Variants in CRACD observed in about 807,000 individuals in gnomAD.
CRACD encodes capping protein inhibiting regulator of actin dynamics, also known as capping protein-inhibiting regulator of actin dynamics.
A neutral mutation model predicts 106.8 loss-of-function variants in CRACD; 56 were observed. The ratio of observed to expected loss-of-function variants is 0.52; its 90% CI spans 0.42 to 0.66. The LOEUF (loss-of-function observed/expected upper bound fraction) is 0.66. CRACD is among the 30% of genes least tolerant of loss of function. The probability of loss-of-function intolerance (pLI) is 0.00; values close to 1 mark genes in which losing one functional copy is unlikely to be tolerated. For synonymous variants in CRACD, 754 were observed against 670.8 expected (o/e 1.12, Z -1.92); for missense variants, 1,730 against 1,623.2 (o/e 1.07, Z -1.13).
chr4:56,101,703 C>T (rs996073268), intron 1 of CRACD, among the ~76,000 whole-genome samples: 3 of 143,900 alleles, frequency 2.1e-5, no homozygotes, highest in Non-Finnish European at 4.5e-5. Flanking sequence ...GTAGAGTTTG[C>T]AGTGAGCTGA....
intron 1 of CRACD, among the ~76,000 whole-genome samples, chr4:56,071,899 G>A (rs1732664884): frequency 6.6e-6 from 1 of 151,724 alleles, no homozygotes; most frequent in South Asian, 2.1e-4. Flanking sequence ...AGGCCGAGGC[G>A]GGCGGATCAT....
intron 1 of CRACD, among the ~76,000 whole-genome samples, chr4:56,117,430 G>A (rs1298113593): frequency 6.6e-6 from 1 of 152,056 alleles, no homozygotes; most frequent in Non-Finnish European, 1.5e-5. Context: ...CCACTTATGA[G>A]GTACTTAGAG....
chr4:56,125,764 CTTTTTTTT>C (rs11289899), intron 1 of CRACD, among the ~76,000 whole-genome samples: 1 of 73,300 alleles, frequency 1.4e-5, no homozygotes, highest in South Asian at 6.3e-4. Context: ...CATTCTTCTT[CTTTTTTTT>C]TTTTTTTTTT....
At chr4:56,053,112 G>T (rs1033808203) in intron 1 of CRACD, among the ~76,000 whole-genome samples, 1 of 152,132 alleles carries the variant, frequency 6.6e-6, no homozygotes, top group Non-Finnish European at 1.5e-5. Flanking sequence ...CTTCCTAAGA[G>T]ACATGAAATA....
intron 2 of CRACD, among the ~76,000 whole-genome samples, chr4:56,254,280 A>G (rs1741213767): frequency 6.6e-6 from 1 of 152,182 alleles, no homozygotes; most frequent in African/African-American, 2.4e-5. Flanking sequence ...TGTCAGTGCA[A>G]CGGAGTAAGT....
intron 7 of CRACD, among the ~76,000 whole-genome samples, 196 bp from the exon 8 acceptor site, chr4:56,313,844 G>A (rs1399902815): frequency 6.6e-6 from 1 of 152,010 alleles, no homozygotes; most frequent in Non-Finnish European, 1.5e-5. Context: ...CAGAATACAC[G>A]TCCTTTTCTC....
chr4:56,298,960 A>G (rs1744208586), intron 4 of CRACD, among the ~76,000 whole-genome samples: 1 of 152,268 alleles, frequency 6.6e-6, no homozygotes, highest in Admixed American at 6.5e-5. Flanking sequence ...ACAAAAAGCT[A>G]TAGGACTTGG....
chr4:56,102,007 G>A (rs1733790224), intron 1 of CRACD, among the ~76,000 whole-genome samples: 2 of 152,050 alleles, frequency 1.3e-5, no homozygotes, highest in African/African-American at 4.8e-5. Flanking sequence ...TATTTAGGCT[G>A]TTTCTAGCTT....
chr4:56,248,332 C>A (rs1740824401), intron 2 of CRACD, among the ~76,000 whole-genome samples: 1 of 152,178 alleles, frequency 6.6e-6, no homozygotes, highest in Non-Finnish European at 1.5e-5. Flanking sequence ...CTGGAAGACT[C>A]TGTGTTTTAA....
intron 5 of CRACD, chr4:56,308,795 T>C (rs978021525): frequency 1.6e-6 from 2 of 1,269,232 alleles, no homozygotes; most frequent in Middle Eastern, 3.1e-4. Context: ...ACCTCTCCAG[T>C]GCTAGGCAGA....
At chr4:56,151,441 C>T (rs1176991187) in intron 1 of CRACD, among the ~76,000 whole-genome samples, 1 of 151,630 alleles carries the variant, frequency 6.6e-6, no homozygotes, top group African/African-American at 2.4e-5. Flanking sequence ...GTTGCAAATA[C>T]AATACAAATA....
intron 1 of CRACD, among the ~76,000 whole-genome samples, chr4:56,152,409 G>A (rs1735613634): frequency 1.3e-5 from 2 of 151,746 alleles, no homozygotes; most frequent in South Asian, 4.2e-4. Context: ...TGAGTCATGA[G>A]GATTACTTGA....
intron 3 of CRACD, among the ~76,000 whole-genome samples, chr4:56,289,710 T>C (rs967041768): frequency 6.7e-6 from 1 of 150,246 alleles, no homozygotes; most frequent in Non-Finnish European, 1.5e-5. Context: ...AAAAACAAAG[T>C]AAAACTGGTA....
Position 56,315,689 on chromosome 4 carries a change from C to G in CRACD, c.2187C>G (p.Ser729=), listed in dbSNP as rs267600196. The change falls in exon 8 of 11, where the codon TCC becomes TCG. Residue 729 remains serine, a synonymous_variant. Coordinates refer to ENST00000682029, the MANE Select transcript of CRACD (RefSeq NM_001393381.1). This position sits in a 1 kb window ranked among gnomAD's most constrained non-coding sequence, Gnocchi z 4.1. ...FSIMPAWQKF[S]DGGTETSKQS... ...TTATGCCTGCCTGGCAGAAATTTTC[C>G]GATGGTGGCACGGAGACCTCCAAAC... 6.2e-7 allele frequency: 1 copy of G among 1,614,200 alleles called. No homozygotes were observed. Among genetic ancestry groups the G allele is most frequent in the South Asian group, 1.1e-5 (1 of 91,082 alleles).
At position 56,327,889 on chromosome 4, in the gene CRACD, A is replaced by C. The variant is rs1746562291; in HGVS notation, c.*85A>C. The C allele has an allele frequency of 8.3e-7, 1 of 1,203,824 alleles. No individual in the cohort carries two copies. Among genetic ancestry groups the C allele is most frequent in the African/African-American group, 1.5e-5 (1 of 64,808 alleles). The allele number at this position is 1,203,824 out of a possible 1,614,324, so 74.6% of individuals were successfully genotyped here. A position where few individuals can be genotyped will look rare whatever the true frequency, so the allele number is the denominator to read the frequency against. On this transcript the variant is annotated 3_prime_UTR_variant, in exon 11 of 11. Transcript: ENST00000682029. ...TATTTATTTTTTATATGGGGTAAAG[A>C]AATCAAGCTAGGGAAAAGAAGCATG...
chr4:56,050,254 G>C (rs1044956620), intron 1 of CRACD, among the ~76,000 whole-genome samples: 10 of 148,602 alleles, frequency 6.7e-5, no homozygotes, highest in Non-Finnish European at 1.0e-4. Flanking sequence ...CTGGGAAACT[G>C]ATCTGGTGTA....
intron 1 of CRACD, among the ~76,000 whole-genome samples, chr4:56,071,056 C>T (rs1031607959): frequency 1.8e-4 from 27 of 152,094 alleles, no homozygotes; most frequent in African/African-American, 6.3e-4. Context: ...GTAAAAAGAG[C>T]TTGTAAGCCT....
chr4:56,322,774 A>G (rs756000438), intron 8 of CRACD, among the ~76,000 whole-genome samples: 29 of 152,226 alleles, frequency 1.9e-4, no homozygotes, highest in Non-Finnish European at 2.5e-4. Flanking sequence ...CACGCCTCTA[A>G]TCATAGCACC....
chr4:56,136,186 T>G lies in CRACD; in HGVS notation c.-335-43098T>G, dbSNP rs181241995. ...TCTGTTGATAGAAATTTAGAATGTT[T>G]CCTGTTTTGCTGTTAAAATAAAGTT... On this transcript the variant is annotated intron_variant, in intron 1 of 10. Transcript: ENST00000682029. Among the ~76,000 whole-genome samples, 575 of 152,336 alleles carry G rather than the reference T, an allele frequency of 3.8e-3. 2 individuals carry two copies. Among genetic ancestry groups the G allele is most frequent in the Non-Finnish European group, 6.3e-3 (426 of 68,016 alleles).
Sources: gnomAD v4.1 joint callset for allele counts (sites outside exome capture counted in the v4.1 genomes callset) on GRCh38, gnomAD v4.1.1 for gene constraint, Gnocchi (gnomAD v3.1) non-coding constraint, MANE v1.5 for transcripts, NCBI Gene and HGNC (gene_info 2026-07-23, HGNC 2026-07-21) for gene names.